The following MKRN2 variants were observed in gnomAD, a reference collection of about 807,000 sequenced individuals.
MKRN2 encodes makorin ring finger protein 2.
Under a neutral mutation model 45.4 loss-of-function variants are expected in MKRN2, and 32 were observed. The observed-to-expected ratio is 0.70, with a 90% CI of 0.53 to 0.95. MKRN2 has a LOEUF of 0.95. Ranked by LOEUF, MKRN2 falls within the 40% of genes least tolerant of loss-of-function variation. MKRN2 has a pLI of 0.00. For missense variants in MKRN2, 526 were observed against 536.7 expected, an observed-to-expected ratio of 0.98 and a Z score of 0.20; for synonymous variants, 206 against 192.4, an observed-to-expected ratio of 1.07 and a Z score of -0.59.
At chr3:12,578,923 G>A (rs2058160775) in intron 6 of MKRN2, among the ~76,000 whole-genome samples, 2 of 150,314 alleles carry the variant, frequency 1.3e-5, no homozygotes, top group Non-Finnish European at 3.0e-5. Flanking sequence ...TCCACAAGAG[G>A]GCAAGGCGTG....
chr3:12,581,799 G>A lies in MKRN2; in HGVS notation c.969-9G>A. The A allele has an allele frequency of 5.0e-6, 8 of 1,613,288 alleles. No homozygotes were observed. Among genetic ancestry groups the A allele is most frequent in the Non-Finnish European group, 6.8e-6 (8 of 1,179,742 alleles). On this transcript the variant is annotated splice_polypyrimidine_tract_variant and intron_variant, in intron 6 of 7. Transcript: ENST00000170447. ...ACCAGCCTCTTGACTTTTTCTTTCTGCTTTTCAGGAAAAAAGCCTGTAAAT... is the reference window on the plus strand; with the variant it reads ...ACCAGCCTCTTGACTTTTTCTTTCTACTTTTCAGGAAAAAAGCCTGTAAAT...
intron 6 of MKRN2, among the ~76,000 whole-genome samples, chr3:12,578,176 C>A (rs185973751): frequency 6.6e-6 from 1 of 152,242 alleles, no homozygotes; most frequent in East Asian, 1.9e-4. Flanking sequence ...GGATTGCTTC[C>A]TCACTTTCCA....
At position 12,565,877 on chromosome 3, in the gene MKRN2, T is replaced by G. The variant is rs571855443; in HGVS notation, c.27-2998T>G. 5.3e-5 allele frequency among the ~76,000 whole-genome samples: 8 copies of G among 151,982 alleles called. No individual in the cohort carries two copies. The East Asian group carries it at 1.4e-3, about 26-fold the overall frequency. On this transcript the variant is annotated intron_variant, in intron 1 of 7. Coordinates refer to ENST00000170447, the MANE Select transcript of MKRN2 (RefSeq NM_014160.5). ...TATTTACAGGGTTTTTTGTTTGTTTTTTTGTTTGTTTTGAGACAGGGTCTT... is the reference window on the plus strand; with the variant it reads ...TATTTACAGGGTTTTTTGTTTGTTTGTTTGTTTGTTTTGAGACAGGGTCTT...
Position 12,570,217 on chromosome 3 carries a change from A to C in MKRN2, c.302A>C (p.Lys101Thr), listed in dbSNP as rs759843282. Residue 101 changes from lysine (K) to threonine (T), a missense_variant, in exon 3 of 8, where the codon AAG (lysine) becomes ACG (threonine). Coordinates refer to ENST00000170447, the MANE Select transcript of MKRN2 (RefSeq NM_014160.5). ...IVKTNSHEPG[K>T]REKRTLVLRD... ...AAAACTAACTCACATGAACCCGGAAAGCGTGAAAAGAGAACATTGGTTCTT... is the reference window on the plus strand; with the variant it reads ...AAAACTAACTCACATGAACCCGGAACGCGTGAAAAGAGAACATTGGTTCTT... The C allele has an allele frequency of 6.2e-7, 1 of 1,614,092 alleles. No homozygotes were observed. Among genetic ancestry groups the C allele is most frequent in the African/African-American group, 1.3e-5 (1 of 74,942 alleles).
rs1288178028 is a variant in MKRN2, at chr3:12,572,197, G to T, written c.466G>T (p.Asp156Tyr). Residue 156 changes from aspartate to tyrosine, a missense_variant, in exon 4 of 8, where the codon GAT becomes TAT. Asp to Tyr is a radical substitution (Grantham distance 160). Coordinates refer to ENST00000170447, the MANE Select transcript of MKRN2 (RefSeq NM_014160.5). The part of the protein sequence containing the change: ...SYLDAIRSGL[D>Y]DVEASSSYSN... The stretch of plus-strand genomic sequence containing the variant: ...CCTGGATGCCATCAGGAGTGGCCTT[G>T]ATGACGTGGAGGCCAGCAGCTCCTA... 1 of 1,614,004 alleles carries T rather than the reference G, an allele frequency of 6.2e-7. No homozygotes were observed. Among genetic ancestry groups the T allele is most frequent in the Non-Finnish European group, 8.5e-7 (1 of 1,180,032 alleles).
In MKRN2 at chr3:12,557,108, G is replaced by A. The variant is rs1575512366; in HGVS notation, c.-43G>A. The A allele has an allele frequency of 6.7e-7, 1 of 1,491,692 alleles. No individual in the cohort carries two copies. The highest frequency in any genetic ancestry group is 8.9e-7 in the Non-Finnish European group (1 of 1,123,536). The allele number at this position is 1,491,692 out of a possible 1,614,324, so 92.4% of individuals were successfully genotyped here. On this transcript the variant is annotated 5_prime_UTR_variant, in exon 1 of 8. Transcript: ENST00000170447. ...GGCCAAGGCCGAGGCGGCAGCGGCT[G>A]CGAGAGGCGGCGGCACGACGACGGT...
intron 1 of MKRN2, among the ~76,000 whole-genome samples, chr3:12,565,835 C>T (rs1223645993): frequency 2.6e-5 from 4 of 151,934 alleles, no homozygotes; most frequent in African/African-American, 7.2e-5. Context: ...CCACTGCATG[C>T]GGCCTATGTG....
Position 12,570,117 on chromosome 3 carries a change from A to C in MKRN2, c.202A>C (p.Thr68Pro), listed in dbSNP as rs1292334058. 1.2e-6 allele frequency: 2 copies of C among 1,613,826 alleles called. No individual in the cohort carries two copies. Among genetic ancestry groups the C allele is most frequent in the Admixed American group, 1.7e-5 (1 of 59,980 alleles). Residue 68 changes from threonine to proline, a missense_variant, in exon 3 of 8, where the codon ACC becomes CCC. Thr to Pro is a conservative substitution (Grantham distance 38). Coordinates refer to ENST00000170447, the MANE Select transcript of MKRN2 (RefSeq NM_014160.5). Reference protein sequence around the residue: ...PSAAAGGAVGTMAHSVPSPAF... With the variant: ...PSAAAGGAVGPMAHSVPSPAF... Reference sequence around the variant, plus strand: ...TGCTGCAGCTGGAGGTGCTGTGGGCACCATGGCCCACAGTGTGCCCTCCCC... The same window carrying C: ...TGCTGCAGCTGGAGGTGCTGTGGGCCCCATGGCCCACAGTGTGCCCTCCCC...
intron 2 of MKRN2, 102 bp from the exon 3 acceptor site, chr3:12,569,969 C>T (rs1363711750): frequency 8.6e-7 from 1 of 1,159,836 alleles, no homozygotes; most frequent in Non-Finnish European, 1.2e-6. Flanking sequence ...GCCTTCTTCA[C>T]CTCAACAAGT....
Position 12,572,056 on chromosome 3 carries a change from G to C in MKRN2, c.338-13G>C. On this transcript the variant is annotated splice_polypyrimidine_tract_variant and intron_variant, in intron 3 of 7. Coordinates refer to ENST00000170447, the MANE Select transcript of MKRN2 (RefSeq NM_014160.5). ...CCATTTTCATGTGCATGTGTGCTGT[G>C]TGTTGTTTTCAGATCTCTCTGGCAT... 6.3e-7 allele frequency: 1 copy of C among 1,582,534 alleles called. No individual in the cohort carries two copies. The highest frequency in any genetic ancestry group is 2.2e-5 in the East Asian group (1 of 44,538).
At chr3:12,569,319 A>ATTTTTT (rs5846777) in intron 2 of MKRN2, among the ~76,000 whole-genome samples, 1 of 141,140 alleles carries the variant, frequency 7.1e-6, no homozygotes, top group African/African-American at 2.6e-5. Context: ...CGCCTGGCTG[A>ATTTTTT]TTTTTTTTTT....
intron 6 of MKRN2, among the ~76,000 whole-genome samples, chr3:12,580,599 C>G (rs1305591702): frequency 6.6e-6 from 1 of 152,190 alleles, no homozygotes; most frequent in Non-Finnish European, 1.5e-5. Context: ...GCTGGGATTA[C>G]AGGTGCCAGC....
chr3:12,572,397 A>T (rs2125304672), intron 4 of MKRN2, 24 bp downstream of exon 4: 1 of 1,527,682 alleles, frequency 6.5e-7, no homozygotes, highest in African/African-American at 1.4e-5. Flanking sequence ...CCTTTGCATG[A>T]ACTCATGTTA....
In MKRN2 at chr3:12,576,740, G is replaced by T; in HGVS notation, c.967G>T (p.Gly323Trp). 2 of 1,591,024 alleles carry T rather than the reference G, an allele frequency of 1.3e-6. No homozygotes were observed. The highest frequency in any genetic ancestry group is 8.6e-7 in the Non-Finnish European group (1 of 1,159,996). The change falls in exon 6 of 8, where the codon GGG becomes TGG. Residue 323 changes from glycine to tryptophan, a missense_variant and splice_region_variant. Transcript: ENST00000170447. ...ELIEAFKQGM[G>W]KKACKYFEQG... ...GATTGAAGCTTTCAAACAGGGGATG[G>T]GGTAAGTGCTTTTGAGTTTCGACGT...
chr3:12,571,856 G>C (rs2125304408), intron 3 of MKRN2, among the ~76,000 whole-genome samples: 1 of 151,192 alleles, frequency 6.6e-6, no homozygotes, highest in Admixed American at 6.6e-5. Flanking sequence ...TTTGTTTTTT[G>C]TTTTTTGTTT....
At chr3:12,574,659 C>T (rs2058119832) in intron 4 of MKRN2, 133 bp from the exon 5 acceptor site, 1 of 833,694 alleles carries the variant, frequency 1.2e-6, no homozygotes. Flanking sequence ...GAGCCTGGGC[C>T]TTTGCTCACA....
At position 12,581,895 on chromosome 3, in the gene MKRN2, G is replaced by A; in HGVS notation, c.1056G>A (p.Gly352=). 3 of 1,614,184 alleles carry A rather than the reference G, an allele frequency of 1.9e-6. No individual in the cohort carries two copies. Among genetic ancestry groups the A allele is most frequent in the Non-Finnish European group, 2.5e-6 (3 of 1,180,042 alleles). The part of the protein sequence containing the change: ...KCLYRHAYPD[G]RLAEPEKPRK... Reference sequence around the variant, plus strand: ...TTTATCGCCATGCTTACCCCGATGGGCGGCTAGCAGAGCCTGAGAAACCTC... The same window carrying A: ...TTTATCGCCATGCTTACCCCGATGGACGGCTAGCAGAGCCTGAGAAACCTC... Residue 352 remains glycine (G), a synonymous_variant, in exon 7 of 8, where the codon GGG becomes GGA. Transcript: ENST00000170447.
At position 12,582,099 on chromosome 3, in the gene MKRN2, A is replaced by G. The variant is rs763666155; in HGVS notation, c.1114-17A>G. 6.2e-7 allele frequency: 1 copy of G among 1,614,158 alleles called. No homozygotes were observed. Among genetic ancestry groups the G allele is most frequent in the Non-Finnish European group, 8.5e-7 (1 of 1,180,016 alleles). The stretch of plus-strand genomic sequence containing the variant: ...CTCTTAGCAGTAACCAGGCATGTCC[A>G]CTGGCTGTTTTTGCAGTTCTTTAAT... On this transcript the variant is annotated splice_polypyrimidine_tract_variant and intron_variant, in intron 7 of 7. Transcript: ENST00000170447.
chr3:12,558,103 AAC>A (rs1444214993), intron 1 of MKRN2, among the ~76,000 whole-genome samples: 1 of 152,240 alleles, frequency 6.6e-6, no homozygotes, highest in African/African-American at 2.4e-5. Context: ...ATTGCTTAAA[AAC>A]AGTTATAGAG....
Sources: gnomAD v4.1 joint callset for allele counts (sites outside exome capture counted in the v4.1 genomes callset) on GRCh38, gnomAD v4.1.1 for gene constraint, MANE v1.5 for transcripts, NCBI Gene and HGNC (gene_info 2026-07-23, HGNC 2026-07-21) for gene names.